TLE3: variants seen among roughly 807,000 people sequenced by gnomAD.
TLE3 encodes transducin-like enhancer protein 3.
A neutral mutation model predicts 93.0 loss-of-function variants in TLE3; 14 were observed. The observed-to-expected ratio is 0.15, with a 90% CI of 0.10 to 0.24. The LOEUF is 0.24. TLE3 is among the 10% of genes least tolerant of loss of function. TLE3 has a pLI of 1.00. For synonymous variants in TLE3, 451 were observed against 425.0 expected (o/e 1.06, Z -0.75); for missense variants, 693 against 1,046.6 (o/e 0.66, Z 4.66).
At chr15:70,096,383 C>T in intron 1 of TLE3, 122 bp from the exon 2 acceptor site, 1 of 1,470,530 alleles carries the variant, frequency 6.8e-7, no homozygotes, top group East Asian at 2.5e-5. Flanking sequence ...AGAACCTTCC[C>T]AGCAAGTTTC....
chr15:70,091,893 C>G (rs112032483), intron 4 of TLE3, among the ~76,000 whole-genome samples: 1 of 152,132 alleles, frequency 6.6e-6, no homozygotes, highest in Non-Finnish European at 1.5e-5. Flanking sequence ...CGTGTATGCG[C>G]GCAGGCTGAG....
Position 70,050,163 on chromosome 15 carries a change from C to G in TLE3, c.2244G>C (p.Ala748=). The change falls in exon 20 of 20, where the codon GCG becomes GCC. Residue 748 remains alanine, a synonymous_variant. Coordinates refer to ENST00000451782, the MANE Select transcript of TLE3 (RefSeq NM_001105192.3). ...SSSVLSCDIS[A]DDKYIVTGSG... The stretch of plus-strand genomic sequence containing the variant: ...AGCCTGTTACAATGTATTTGTCATC[C>G]GCTGAAATGTCACAACTCAAGACAG... 1 of 1,614,072 alleles carries G rather than the reference C, an allele frequency of 6.2e-7. No homozygotes were observed. The highest frequency in any genetic ancestry group is 8.5e-7 in the Non-Finnish European group (1 of 1,179,966).
chr15:70,053,660 C>A, intron 16 of TLE3: 1 of 254,926 alleles, frequency 3.9e-6, no homozygotes, highest in East Asian at 7.6e-5. Flanking sequence ...TGAGTCCCTC[C>A]AGGGTGGGCC....
chr15:70,054,255 C>T, intron 16 of TLE3, 183 bp downstream of exon 16: 10 of 812,006 alleles, frequency 1.2e-5, no homozygotes, highest in Non-Finnish European at 1.7e-5. Context: ...CAATGGCCCT[C>T]CCTCCTCTGT....
At chr15:70,064,809 C>A (rs1253133374) in intron 7 of TLE3, among the ~76,000 whole-genome samples, 1 of 150,550 alleles carries the variant, frequency 6.6e-6, no homozygotes, top group Non-Finnish European at 1.5e-5. Context: ...ACCAAGTTTA[C>A]TCTTTAGCAG....
intron 8 of TLE3, among the ~76,000 whole-genome samples, chr15:70,061,417 G>A (rs1299933107): frequency 6.6e-6 from 1 of 152,044 alleles, no homozygotes; most frequent in African/African-American, 2.4e-5. Flanking sequence ...TGGCACAAAG[G>A]GAACCCCAAA....
intron 6 of TLE3, among the ~76,000 whole-genome samples, chr15:70,073,834 A>AAG (rs2057305541): frequency 6.6e-6 from 1 of 152,216 alleles, no homozygotes; most frequent in Admixed American, 6.5e-5. Flanking sequence ...GAACCTAAGA[A>AAG]ATGCATTAAA....
At chr15:70,061,251 G>C (rs1263980971) in intron 8 of TLE3, among the ~76,000 whole-genome samples, 1 of 151,978 alleles carries the variant, frequency 6.6e-6, no homozygotes, top group Non-Finnish European at 1.5e-5. Context: ...AGAAACACCA[G>C]GGTTGTAAAA....
Position 70,065,988 on chromosome 15 carries a change from CACCCTCTG to C in TLE3, c.577+18_577+25del. Reference sequence around the variant, plus strand: ...GCCCATGCCCACCCCTGCCCCGCCCCACCCTCTGCCCCAGCCCAGCCGCACCTCTGTGA... The same window carrying C: ...GCCCATGCCCACCCCTGCCCCGCCCCCCCCAGCCCAGCCGCACCTCTGTGA... On this transcript the variant is annotated intron_variant, in intron 7 of 19. Coordinates refer to ENST00000451782, the MANE Select transcript of TLE3 (RefSeq NM_001105192.3). 6.4e-7 allele frequency: 1 copy of C among 1,573,124 alleles called. No homozygotes were observed. Among genetic ancestry groups the C allele is most frequent in the Admixed American group, 1.7e-5 (1 of 59,620 alleles).
intron 3 of TLE3, chr15:70,095,263 C>G (rs190527715): frequency 8.0e-7 from 1 of 1,252,604 alleles, no homozygotes; most frequent in East Asian, 4.0e-5. Flanking sequence ...ATCTTACTAG[C>G]CAAGATAGGG....
Position 70,064,477 on chromosome 15 carries a change from G to A in TLE3, c.578-7C>T, listed in dbSNP as rs1481420986. 3.7e-6 allele frequency: 6 copies of A among 1,613,662 alleles called. No individual in the cohort carries two copies. Among genetic ancestry groups the A allele is most frequent in the Non-Finnish European group, 5.1e-6 (6 of 1,179,810 alleles). On this transcript the variant is annotated splice_region_variant and splice_polypyrimidine_tract_variant and intron_variant, in intron 7 of 19. Transcript: ENST00000451782. ...ACCGCACTGGATTCTCTCTCTTTGG[G>A]GAAAGAAGGCCAGGACAGGAGGAAG...
chr15:70,081,489 G>A (rs989121418), intron 4 of TLE3, among the ~76,000 whole-genome samples: 1 of 152,242 alleles, frequency 6.6e-6, no homozygotes, highest in African/African-American at 2.4e-5. Flanking sequence ...CTGTGGAAGA[G>A]CCTCTAGGCA....
At chr15:70,052,258 T>C in intron 18 of TLE3, 116 bp downstream of exon 18, 1 of 1,363,292 alleles carries the variant, frequency 7.3e-7, no homozygotes, top group Non-Finnish European at 9.9e-7. Flanking sequence ...TCAGGAGGCC[T>C]GGTTCCAGGG....
At chr15:70,056,153 C>A in intron 14 of TLE3, 145 bp downstream of exon 14, 1 of 901,968 alleles carries the variant, frequency 1.1e-6, no homozygotes, top group Non-Finnish European at 1.8e-6. Flanking sequence ...CCCTCGGTGC[C>A]TCTAGAGGGA....
chr15:70,050,542 T>C (rs1035037489), intron 19 of TLE3: 4 of 177,626 alleles, frequency 2.3e-5, no homozygotes, highest in South Asian at 1.4e-4. Context: ...AGTTTACAAA[T>C]AGGAAGAAGC....
intron 10 of TLE3, 142 bp downstream of exon 10, chr15:70,059,268 T>G: frequency 8.1e-6 from 8 of 987,124 alleles, no homozygotes; most frequent in South Asian, 1.7e-5. Flanking sequence ...CTTGACCCCC[T>G]GAGACCCCAA....
intron 19 of TLE3, chr15:70,050,766 AAG>A (rs3837730): frequency 5.1e-4 from 81 of 157,612 alleles, no homozygotes; most frequent in Admixed American, 8.4e-4. Flanking sequence ...GTGGAAGCGC[AAG>A]AGAGAGAGAG....
chr15:70,061,683 T>G (rs2056483719), intron 8 of TLE3, among the ~76,000 whole-genome samples: 1 of 152,140 alleles, frequency 6.6e-6, no homozygotes, highest in Admixed American at 6.5e-5. Flanking sequence ...GTTTACTCCT[T>G]TCTAAGAGTC....
chr15:70,085,583 C>A (rs950076379), intron 4 of TLE3, among the ~76,000 whole-genome samples: 1 of 152,242 alleles, frequency 6.6e-6, no homozygotes, highest in South Asian at 2.1e-4. Context: ...AGTGAGAAAA[C>A]CCAAAAGGCT....
Sources: gnomAD v4.1 joint callset for allele counts (sites outside exome capture counted in the v4.1 genomes callset) on GRCh38, gnomAD v4.1.1 for gene constraint, MANE v1.5 for transcripts, NCBI Gene and HGNC (gene_info 2026-07-23, HGNC 2026-07-21) for gene names.